CHODL: variants seen among roughly 807,000 people sequenced by gnomAD.
CHODL encodes the protein chondrolectin, also known as transmembrane protein MT75.
Under a neutral mutation model 34.5 loss-of-function variants are expected in CHODL, and 29 were observed. The ratio of observed to expected loss-of-function variants is 0.84; its 90% CI spans 0.63 to 1.15. The LOEUF is 1.15. Ranked by LOEUF, CHODL falls within the 50% of genes most tolerant of loss-of-function variation. The pLI is 0.00. For missense variants in CHODL, 332 were observed against 332.5 expected (o/e 1.00, Z 0.01); for synonymous variants, 125 against 116.1 (o/e 1.08, Z -0.49).
intron 2 of CHODL, among the ~76,000 whole-genome samples, chr21:18,170,868 AT>A (rs1247582526): frequency 1.3e-5 from 2 of 151,908 alleles, no homozygotes; most frequent in East Asian, 3.9e-4. Context: ...AGTACACTTT[AT>A]TTTCTTCATT....
At chr21:18,025,450 T>C (rs758841149) in intron 1 of CHODL, among the ~76,000 whole-genome samples, 6 of 152,190 alleles carry the variant, frequency 3.9e-5, no homozygotes, top group Non-Finnish European at 7.3e-5. Flanking sequence ...GGCTATCATC[T>C]TATTTTTATA....
At chr21:18,187,375 T>C (rs2073456311) in intron 2 of CHODL, among the ~76,000 whole-genome samples, 2 of 152,170 alleles carry the variant, frequency 1.3e-5, no homozygotes, top group African/African-American at 4.8e-5. Context: ...CCTTTAATAT[T>C]CAGCTCAAGC....
intron 1 of CHODL, among the ~76,000 whole-genome samples, chr21:17,971,960 A>G (rs1211461301): frequency 6.6e-6 from 1 of 152,226 alleles, no homozygotes; most frequent in Non-Finnish European, 1.5e-5. Context: ...AAGCTTATCT[A>G]CCACGAACAA....
chr21:18,050,742 G>A lies in CHODL; in HGVS notation c.-45+22771G>A, dbSNP rs185267369. On this transcript the variant is annotated intron_variant, in intron 2 of 6. Transcript: ENST00000400127. Reference sequence around the variant, plus strand: ...GGGGTGTTGAGATCCAAGAGTGTAGGTTGGGTCATGTTGACTTTGTGGTGC... The same window carrying A: ...GGGGTGTTGAGATCCAAGAGTGTAGATTGGGTCATGTTGACTTTGTGGTGC... Among the ~76,000 whole-genome samples, 264 of 151,898 alleles carry A rather than the reference G, an allele frequency of 1.7e-3. 2 individuals are homozygous for A. Among genetic ancestry groups the A allele is most frequent in the Non-Finnish European group, 2.2e-3 (152 of 67,864 alleles).
chr21:18,136,492 T>C (rs2072730092), intron 2 of CHODL, among the ~76,000 whole-genome samples: 1 of 152,082 alleles, frequency 6.6e-6, no homozygotes. Flanking sequence ...CTCAGGTGAA[T>C]GCAAATTGAC....
chr21:18,137,883 AAC>A (rs563346599), intron 2 of CHODL, among the ~76,000 whole-genome samples: 228 of 152,244 alleles, frequency 1.5e-3, no homozygotes, highest in African/African-American at 5.2e-3. Context: ...ACACATGTAT[AAC>A]ACATGTATAT....
intron 2 of CHODL, among the ~76,000 whole-genome samples, chr21:18,176,938 T>C (rs2073322414): frequency 6.6e-6 from 1 of 151,964 alleles, no homozygotes; most frequent in African/African-American, 2.4e-5. Context: ...AAACACAACA[T>C]TCATTGCAGA....
At position 18,016,752 on chromosome 21, in the gene CHODL, C is replaced by T. The variant is rs577664383; in HGVS notation, c.-144-11120C>T. On this transcript the variant is annotated intron_variant, in intron 1 of 6. Coordinates refer to the CHODL transcript ENST00000400127. The stretch of plus-strand genomic sequence containing the variant: ...TTCAAAAAGCTGCAGGTACTCTATG[C>T]CAGCCCATGAAAGCAGCCAAGGGAT... 1.1e-3 allele frequency among the ~76,000 whole-genome samples: 172 copies of T among 152,362 alleles called. 1 individual carries two copies. Among genetic ancestry groups the T allele is most frequent in the Non-Finnish European group, 1.2e-3 (80 of 68,034 alleles).
At chr21:18,226,464 C>A (rs1198758677) in intron 2 of CHODL, among the ~76,000 whole-genome samples, 1 of 152,018 alleles carries the variant, frequency 6.6e-6, no homozygotes, top group Non-Finnish European at 1.5e-5. Flanking sequence ...CCATGCCCAG[C>A]CAATTTTTCT....
chr21:18,152,954 C>T (rs1380755159), intron 2 of CHODL, among the ~76,000 whole-genome samples: 1 of 152,158 alleles, frequency 6.6e-6, no homozygotes, highest in African/African-American at 2.4e-5. Context: ...ATCTCATGGT[C>T]TTGACATGTC....
At chr21:18,088,017 C>T (rs2065027738) in intron 2 of CHODL, among the ~76,000 whole-genome samples, 1 of 152,086 alleles carries the variant, frequency 6.6e-6, no homozygotes, top group Non-Finnish European at 1.5e-5. Flanking sequence ...GTGCTATACA[C>T]TTTAAACCAG....
intron 2 of CHODL, among the ~76,000 whole-genome samples, chr21:18,104,699 A>G (rs1480412258): frequency 6.6e-6 from 1 of 152,170 alleles, no homozygotes; most frequent in Non-Finnish European, 1.5e-5. Flanking sequence ...TAAATGTGAT[A>G]ATAGGAGTGT....
chr21:17,948,272 A>T (rs938037876), intron 1 of CHODL, among the ~76,000 whole-genome samples: 3 of 152,002 alleles, frequency 2.0e-5, no homozygotes, highest in Non-Finnish European at 4.4e-5. Context: ...TGTAACAAAA[A>T]TGCACTTGTT....
At chr21:18,127,681 T>G (rs1366193509) in intron 2 of CHODL, among the ~76,000 whole-genome samples, 82 of 133,052 alleles carry the variant, frequency 6.2e-4, no homozygotes, top group African/African-American at 1.9e-3. Context: ...TGTTTTTTTT[T>G]TTTTTTTTTT....
chr21:18,098,876 A>G (rs981967504), intron 2 of CHODL, among the ~76,000 whole-genome samples: 4 of 152,114 alleles, frequency 2.6e-5, no homozygotes. Context: ...CATACACCCA[A>G]TGGAGTCCTA....
intron 2 of CHODL, among the ~76,000 whole-genome samples, chr21:18,177,822 T>C (rs1205070827): frequency 6.6e-6 from 1 of 152,136 alleles, no homozygotes; most frequent in Non-Finnish European, 1.5e-5. Flanking sequence ...TGGTTTAGAG[T>C]GGCACATCAC....
chr21:18,161,578 T>C (rs1401510193), intron 2 of CHODL, among the ~76,000 whole-genome samples: 1 of 152,170 alleles, frequency 6.6e-6, no homozygotes, highest in Non-Finnish European at 1.5e-5. Flanking sequence ...GGGTCATGCT[T>C]TCTCTTACTT....
At chr21:18,160,190 T>C (rs767436062) in intron 2 of CHODL, among the ~76,000 whole-genome samples, 3 of 111,658 alleles carry the variant, frequency 2.7e-5, no homozygotes, top group African/African-American at 6.8e-5. Flanking sequence ...TCTGGAGAGA[T>C]AAAGTGATCT....
At chr21:18,201,579 G>A (rs1302234291) in intron 2 of CHODL, among the ~76,000 whole-genome samples, 3 of 151,722 alleles carry the variant, frequency 2.0e-5, no homozygotes, top group East Asian at 3.9e-4. Flanking sequence ...TTCTTTCCTT[G>A]GTATATTAAA....
Sources: allele counts gnomAD v4.1 joint callset (sites outside exome capture counted in the v4.1 genomes callset), GRCh38; gene constraint gnomAD v4.1.1; transcripts MANE v1.5; gene names NCBI Gene and HGNC (gene_info 2026-07-23, HGNC 2026-07-21).